LRATD1: variants seen among roughly 807,000 people sequenced by gnomAD.
LRATD1 encodes the protein protein LRATD1.
LRATD1 carries 8 observed loss-of-function variants against 21.3 expected under a neutral mutation model. The ratio of observed to expected loss-of-function variants is 0.38; its 90% confidence interval spans 0.22 to 0.68. The LOEUF (loss-of-function observed/expected upper bound fraction) is 0.68, where lower values mean the gene tolerates loss of function less well. LRATD1 is among the 30% of genes least tolerant of loss of function. The pLI is 0.54. For synonymous variants in LRATD1, 210 were observed against 186.2 expected (o/e 1.13, Z -1.04); for missense variants, 380 against 404.0 (o/e 0.94, Z 0.51).
At position 14,634,469 on chromosome 2, in the gene LRATD1, G is replaced by C. The variant is rs1246153520; in HGVS notation, c.490G>C (p.Asp164His). 1 of 1,520,594 alleles carries C rather than the reference G, an allele frequency of 6.6e-7. No homozygotes were observed. Among genetic ancestry groups the C allele is most frequent in the East Asian group, 2.3e-5 (1 of 43,784 alleles). The allele number at this position is 1,520,594 out of a possible 1,614,324, so 94.2% of individuals were successfully genotyped here. ...IHLHQGEIRQ[D>H]SLYEAGAANV... ...CCTGCACCAAGGCGAGATCCGCCAGGACAGCCTGTATGAGGCGGGCGCGGC... is the reference window on the plus strand; with the variant it reads ...CCTGCACCAAGGCGAGATCCGCCAGCACAGCCTGTATGAGGCGGGCGCGGC... The change falls in exon 2 of 2, where the codon GAC becomes CAC. Residue 164 changes from aspartate (D) to histidine (H), a missense_variant. By Grantham distance (81) the Asp-to-His change is moderately conservative. Coordinates refer to ENST00000295092, the MANE Select transcript of LRATD1 (RefSeq NM_145175.4).
At chr2:14,641,141 G>A (rs1671799425), downstream of LRATD1, among the ~76,000 whole-genome samples, 1 of 152,086 alleles carries the variant, frequency 6.6e-6, no homozygotes, top group African/African-American at 2.4e-5. Context: ...ACTCTAAGAA[G>A]CAATAGAGCC....
At position 14,636,256 on chromosome 2, in the gene LRATD1, A is replaced by C. The variant is rs752105814; in HGVS notation, c.*1398A>C. 7.2e-5 allele frequency: 12 copies of C among 167,404 alleles called. No individual in the cohort carries two copies. Among genetic ancestry groups the C allele is most frequent in the Admixed American group, 3.9e-4 (6 of 15,328 alleles). The allele number at this position is 167,404 out of a possible 1,614,324, so 10.4% of individuals were successfully genotyped here. On this transcript the variant is annotated 3_prime_UTR_variant, in exon 2 of 2. Coordinates refer to ENST00000295092, the MANE Select transcript of LRATD1 (RefSeq NM_145175.4). ...TATTGTACTGAATTTCTGTCAGTTAAGGGGTTCACTGCTTTGGTGGAAATT... is the reference window on the plus strand; with the variant it reads ...TATTGTACTGAATTTCTGTCAGTTACGGGGTTCACTGCTTTGGTGGAAATT...
chr2:14,639,504 G>T lies in LRATD1; in HGVS notation c.*4646G>T, dbSNP rs2103410626. ...TAAGATCCTATCTTTCAATCATTTA[G>T]TAATTCATAAAATCCCATTATTTCA... On this transcript the variant is annotated 3_prime_UTR_variant, in exon 2 of 2. Transcript: ENST00000295092. 6.0e-6 allele frequency: 1 copy of T among 166,924 alleles called. No homozygotes were observed. Among genetic ancestry groups the T allele is most frequent in the Non-Finnish European group, 1.5e-5 (1 of 68,112 alleles). 10.3% of individuals were successfully genotyped at this position (166,924 alleles called of 1,614,324 possible).
rs1473653933 is a variant in LRATD1, at chr2:14,632,738, T to C, written c.-236T>C. Reference sequence around the variant, plus strand: ...TGGGAAAGCAGAGCCGAGCCGGGACTGTCCAGTGGGAGCAGGCGCCCCGGC... The same window carrying C: ...TGGGAAAGCAGAGCCGAGCCGGGACCGTCCAGTGGGAGCAGGCGCCCCGGC... On this transcript the variant is annotated 5_prime_UTR_variant, in exon 1 of 2. Coordinates refer to ENST00000295092, the MANE Select transcript of LRATD1 (RefSeq NM_145175.4). 1 of 152,114 alleles carries C rather than the reference T, an allele frequency of 6.6e-6. No individual in the cohort carries two copies. Among genetic ancestry groups the C allele is most frequent in the Non-Finnish European group, 1.5e-5 (1 of 68,032 alleles). The allele number at this position is 152,114 out of a possible 1,614,324, so 9.4% of individuals were successfully genotyped here. A position where few individuals can be genotyped will look rare whatever the true frequency, so the allele number is the denominator to read the frequency against.
Position 14,634,476 on chromosome 2 carries a change from T to A in LRATD1, c.497T>A (p.Leu166Gln), listed in dbSNP as rs1291330537. 6.6e-7 allele frequency: 1 copy of A among 1,514,694 alleles called. No homozygotes were observed. Among genetic ancestry groups the A allele is most frequent in the Non-Finnish European group, 8.8e-7 (1 of 1,133,294 alleles). 93.8% of individuals were successfully genotyped at this position (1,514,694 alleles called of 1,614,324 possible). Residue 166 changes from leucine to glutamine, a missense_variant, in exon 2 of 2, where the codon CTG becomes CAG. Physicochemically the swap from Leu to Gln is moderately radical, Grantham distance 113. Transcript: ENST00000295092. Reference sequence around the variant, plus strand: ...CAAGGCGAGATCCGCCAGGACAGCCTGTATGAGGCGGGCGCGGCCAACGTG... The same window carrying A: ...CAAGGCGAGATCCGCCAGGACAGCCAGTATGAGGCGGGCGCGGCCAACGTG... ...LHQGEIRQDS[L>Q]YEAGAANVGR...
downstream of LRATD1, among the ~76,000 whole-genome samples, chr2:14,643,404 G>A (rs1202869218): frequency 6.6e-6 from 1 of 152,154 alleles, no homozygotes; most frequent in Non-Finnish European, 1.5e-5. Flanking sequence ...CTCCCTGGCA[G>A]CACGCAAGCT....
exon 5 of LRATD1, chr2:14,649,385 G>T (rs1306297670): frequency 2.2e-6 from 1 of 456,166 alleles, no homozygotes. Context: ...TCCTTGTATT[G>T]CAACTGGACC....
chr2:14,640,096 A>C (rs971714517), downstream of LRATD1: 3 of 166,932 alleles, frequency 1.8e-5, no homozygotes, highest in Non-Finnish European at 4.4e-5. Flanking sequence ...GAAAAGCAAA[A>C]TAGTTCCAAC....
At chr2:14,645,962 C>A (rs1310412545) in intron 2 of LRATD1, 1 of 152,164 alleles carries the variant, frequency 6.6e-6, no homozygotes, top group Non-Finnish European at 1.5e-5. Flanking sequence ...GGGGAAAACA[C>A]CCAACTCAGT....
In LRATD1 at chr2:14,633,348, G is replaced by A. The variant is rs991795085; in HGVS notation, c.-37+411G>A. 1.3e-5 allele frequency among the ~76,000 whole-genome samples: 2 copies of A among 152,332 alleles called. No homozygotes were observed. The highest frequency in any genetic ancestry group is 1.9e-4 in the East Asian group (1 of 5,164). On this transcript the variant is annotated intron_variant, in intron 1 of 1. Transcript: ENST00000295092. This position sits in a 1 kb window ranked among gnomAD's most constrained non-coding sequence, Gnocchi z 7.5. Reference sequence around the variant, plus strand: ...TGTGTCGTCGCGAAGGTTTGTCATTGTGGGTGTATGTGACATACACCAGTA... The same window carrying A: ...TGTGTCGTCGCGAAGGTTTGTCATTATGGGTGTATGTGACATACACCAGTA...
At chr2:14,647,368 C>T (rs1048726847) in intron 4 of LRATD1, among the ~76,000 whole-genome samples, 2 of 152,064 alleles carry the variant, frequency 1.3e-5, no homozygotes, top group Non-Finnish European at 2.9e-5. Flanking sequence ...AGTTCAAACA[C>T]TTCTTGATAA....
downstream of LRATD1, among the ~76,000 whole-genome samples, chr2:14,651,805 G>C (rs1423910995): frequency 6.6e-6 from 1 of 151,618 alleles, no homozygotes; most frequent in Non-Finnish European, 1.5e-5. Flanking sequence ...TTATATTCTT[G>C]AGAAAATCTT....
chr2:14,651,858 A>G (rs1672010578), downstream of LRATD1, among the ~76,000 whole-genome samples: 1 of 152,032 alleles, frequency 6.6e-6, no homozygotes, highest in Non-Finnish European at 1.5e-5. Flanking sequence ...TCTTTGTTAT[A>G]TCTAAGGTAA....
At chr2:14,648,805 T>C (rs1233975931) in intron 4 of LRATD1, among the ~76,000 whole-genome samples, 2 of 152,176 alleles carry the variant, frequency 1.3e-5, no homozygotes, top group Non-Finnish European at 2.9e-5. Context: ...GTGTTCATAC[T>C]CAGGACGTCC....
At chr2:14,644,385 T>A (rs774522527), downstream of LRATD1, among the ~76,000 whole-genome samples, 15 of 152,214 alleles carry the variant, frequency 9.9e-5, no homozygotes, top group Non-Finnish European at 2.2e-4. Context: ...GGTAGAAATA[T>A]AGATAAATAT....
chr2:14,642,576 T>C (rs1425477455), downstream of LRATD1, among the ~76,000 whole-genome samples: 1 of 150,396 alleles, frequency 6.6e-6, no homozygotes, highest in Non-Finnish European at 1.5e-5. Context: ...AAGTATTGTT[T>C]ACCTTTTGGA....
At chr2:14,649,385 G>A (rs1306297670) in exon 5 of LRATD1, 1 of 456,166 alleles carries the variant, frequency 2.2e-6, no homozygotes, top group Non-Finnish European at 4.4e-6. Flanking sequence ...TCCTTGTATT[G>A]CAACTGGACC....
At chr2:14,642,640 C>A (rs1357090879), downstream of LRATD1, among the ~76,000 whole-genome samples, 2 of 115,880 alleles carry the variant, frequency 1.7e-5, no homozygotes, top group African/African-American at 3.5e-5. Context: ...TCACCTACAG[C>A]ATGTATGGGG....
chr2:14,635,537 C>G lies in LRATD1; in HGVS notation c.*679C>G. The G allele has an allele frequency of 2.1e-6, 1 of 471,174 alleles. No individual in the cohort carries two copies. The highest frequency in any genetic ancestry group is 4.4e-6 in the Non-Finnish European group (1 of 227,070). The allele number at this position is 471,174 out of a possible 1,614,324, so 29.2% of individuals were successfully genotyped here. ...GACAGTGTTTGCCTCCGGTTCTTTC[C>G]ACCGTGGGAAGCGAACGCCACCCCC... On this transcript the variant is annotated 3_prime_UTR_variant, in exon 2 of 2. Transcript: ENST00000295092.
Sources: allele counts gnomAD v4.1 joint callset (sites outside exome capture counted in the v4.1 genomes callset), GRCh38; gene constraint gnomAD v4.1.1; non-coding constraint Gnocchi (gnomAD v3.1); transcripts MANE v1.5; gene names NCBI Gene and HGNC (gene_info 2026-07-23, HGNC 2026-07-21).